Variants in FBN3 observed in about 807,000 individuals in gnomAD.
The protein encoded by FBN3 is fibrillin 3, also known as fibrillin-3.
A neutral mutation model predicts 330.1 loss-of-function variants in FBN3; 234 were observed. That is an observed-to-expected ratio of 0.71 (90% CI 0.64 to 0.79). The LOEUF is 0.79. Ranked by LOEUF, FBN3 falls within the 30% of genes least tolerant of loss-of-function variation. The probability of loss-of-function intolerance (pLI) is 0.00; values close to 1 mark genes in which losing one functional copy is unlikely to be tolerated. For synonymous variants in FBN3, 1,458 were observed against 1,517.3 expected (o/e 0.96, Z 0.91); for missense variants, 3,606 against 3,886.9 (o/e 0.93, Z 1.92).
At chr19:8,139,643 T>C (rs2083367586) in intron 8 of FBN3, among the ~76,000 whole-genome samples, 1 of 151,788 alleles carries the variant, frequency 6.6e-6, no homozygotes, top group African/African-American at 2.4e-5. Flanking sequence ...GAGGGGTGGA[T>C]TGACGGCTAC....
intron 18 of FBN3, among the ~76,000 whole-genome samples, chr19:8,127,057 TTG>T (rs2083009537): frequency 7.1e-5 from 7 of 99,006 alleles, no homozygotes; most frequent in African/African-American, 1.5e-4. Context: ...TGTTTTTTTT[TTG>T]TTTTTTTTTT....
chr19:8,123,853 C>T lies in FBN3; in HGVS notation c.2887G>A (p.Ala963Thr), dbSNP rs372370060. The change falls in exon 23 of 64, where the codon GCC becomes ACC. Residue 963 changes from alanine to threonine, a missense_variant. Physicochemically the swap from Ala to Thr is moderately conservative, Grantham distance 58. Coordinates refer to ENST00000600128, the MANE Select transcript of FBN3 (RefSeq NM_032447.5). Reference protein sequence around the residue: ...ACPDPESLEFASLCPRGLGFA... With the variant: ...ACPDPESLEFTSLCPRGLGFA... Reference sequence around the variant, plus strand: ...CCCAGCCCCCGCGGGCACAGGCTGGCGAACTCCAGAGACTCGGGATCCGGG... The same window carrying T: ...CCCAGCCCCCGCGGGCACAGGCTGGTGAACTCCAGAGACTCGGGATCCGGG... 29 of 1,609,544 alleles carry T rather than the reference C, an allele frequency of 1.8e-5. No homozygotes were observed. In the East Asian group the frequency reaches 2.2e-4, roughly 12 times the overall value.
rs753005739 is a variant in FBN3, at chr19:8,115,559, C to T, written c.3794G>A (p.Cys1265Tyr). ...CTTCCTGACCATGTAGCCCAGCTGA[C>T]AGTGGCAGACAAAGGAACCCTTCGT... ...ENTKGSFVCH[C>Y]QLGYMVRKGA... Residue 1265 changes from cysteine to tyrosine, a missense_variant, in exon 30 of 64, where the codon TGT becomes TAT. Transcript: ENST00000600128. 2.5e-6 allele frequency: 4 copies of T among 1,614,120 alleles called. No homozygotes were observed. The highest frequency in any genetic ancestry group is 2.2e-5 in the East Asian group (1 of 44,864).
intron 41 of FBN3, among the ~76,000 whole-genome samples, chr19:8,097,632 T>C (rs2082240176): frequency 6.6e-6 from 1 of 152,172 alleles, no homozygotes; most frequent in African/African-American, 2.4e-5. Context: ...CTGTGTGTGT[T>C]TTTCTCAATT....
At chr19:8,074,857 A>G in intron 61 of FBN3, 1 of 542,362 alleles carries the variant, frequency 1.8e-6, no homozygotes, top group Admixed American at 3.7e-5. Flanking sequence ...CCAGGCCACC[A>G]TGCCCTAAGG....
chr19:8,113,017 T>G (rs1380933593), intron 30 of FBN3, among the ~76,000 whole-genome samples: 6 of 152,230 alleles, frequency 3.9e-5, no homozygotes, highest in African/African-American at 1.2e-4. Flanking sequence ...TCCTAAACCC[T>G]GAAACTGGTG....
intron 8 of FBN3, among the ~76,000 whole-genome samples, chr19:8,141,384 AAGAG>A (rs1555755904): frequency 3.4e-5 from 5 of 146,512 alleles, no homozygotes; most frequent in African/African-American, 2.6e-5. Context: ...AAAAAAAAAA[AAGAG>A]AGAGACAGAC....
intron 48 of FBN3, among the ~76,000 whole-genome samples, chr19:8,090,644 C>T (rs548951340): frequency 8.6e-5 from 13 of 151,960 alleles, no homozygotes; most frequent in Admixed American, 2.0e-4. Context: ...CCACCACACC[C>T]GGCTAATTTT....
In FBN3 at chr19:8,096,391, T is replaced by C; in HGVS notation, c.5539+53A>G. ...AACACCACTTCCATCCCAGGGGAGG[T>C]TTAGACCCCAGGCAGCCTGGCTTGA... On this transcript the variant is annotated intron_variant, in intron 44 of 63. Transcript: ENST00000600128. The surrounding 1 kb of genome is among the most constrained non-coding windows in gnomAD (Gnocchi z 4.6). 6.3e-7 allele frequency: 1 copy of C among 1,583,432 alleles called. No individual in the cohort carries two copies. Among genetic ancestry groups the C allele is most frequent in the Non-Finnish European group, 8.6e-7 (1 of 1,162,914 alleles).
At position 8,096,083 on chromosome 19, in the gene FBN3, G is replaced by C; in HGVS notation, c.5540-3C>G. ...CTGCCGGTCACACTCGTCAATGTCTGCAGAAGCAAAGCCGAGAGCCCAACC... is the reference window on the plus strand; with the variant it reads ...CTGCCGGTCACACTCGTCAATGTCTCCAGAAGCAAAGCCGAGAGCCCAACC... On this transcript the variant is annotated splice_polypyrimidine_tract_variant and splice_region_variant and intron_variant, in intron 44 of 63. Coordinates refer to ENST00000600128, the MANE Select transcript of FBN3 (RefSeq NM_032447.5). This position sits in a 1 kb window ranked among gnomAD's most constrained non-coding sequence, Gnocchi z 4.6. The C allele has an allele frequency of 2.5e-6, 4 of 1,611,114 alleles. No homozygotes were observed. Among genetic ancestry groups the C allele is most frequent in the Non-Finnish European group, 3.4e-6 (4 of 1,177,326 alleles).
chr19:8,096,039 A>G lies in FBN3; in HGVS notation c.5581T>C (p.Cys1861Arg), dbSNP rs1221793339. The change falls in exon 45 of 64, where the codon TGC (cysteine) becomes CGC (arginine). Residue 1861 changes from cysteine (C) to arginine (R), a missense_variant. Coordinates refer to ENST00000600128, the MANE Select transcript of FBN3 (RefSeq NM_032447.5). The surrounding 1 kb of genome is among the most constrained non-coding windows in gnomAD (Gnocchi z 4.6). ...CDRQPCGNGT[C>R]KNIIGSYNCL... ...TTGTAGGAGCCAATGATGTTCTTGC[A>G]GGTCCCATTTCCACAAGGCTGCCGG... The G allele has an allele frequency of 2.5e-6, 4 of 1,614,080 alleles. No individual in the cohort carries two copies. In the Admixed American group the frequency reaches 5.0e-5, roughly 20 times the overall value.
At chr19:8,081,969 C>CTCTT (rs1202561121) in intron 57 of FBN3, among the ~76,000 whole-genome samples, 1 of 138,660 alleles carries the variant, frequency 7.2e-6, no homozygotes, top group Non-Finnish European at 1.6e-5. Flanking sequence ...CCTTGTTTCT[C>CTCTT]TCTTTCTTTC....
At chr19:8,148,326 G>A (rs911417985) in intron 1 of FBN3, among the ~76,000 whole-genome samples, 4 of 152,076 alleles carry the variant, frequency 2.6e-5, no homozygotes, top group African/African-American at 9.7e-5. Context: ...TCCCTGGGCA[G>A]GGGGCCCAGG....
chr19:8,117,666 C>T, intron 26 of FBN3, 77 bp from the exon 27 acceptor site: 1 of 1,457,440 alleles, frequency 6.9e-7, no homozygotes, highest in Non-Finnish European at 9.2e-7. Context: ...ACTGGGGGCA[C>T]ACATGCATGC....
In FBN3 at chr19:8,100,084, C is replaced by G. The variant is rs1475176062; in HGVS notation, c.5161+817G>C. Among the ~76,000 whole-genome samples the G allele has an allele frequency of 2.6e-5, 4 of 151,686 alleles. No individual in the cohort carries two copies. In the East Asian group the frequency reaches 5.8e-4, roughly 22 times the overall value. ...GGATGCACCTTGAGGACATCATGTT[C>G]AGTGAAATAAGCCTGACACAAAACA... On this transcript the variant is annotated intron_variant, in intron 41 of 63. Coordinates refer to ENST00000600128, the MANE Select transcript of FBN3 (RefSeq NM_032447.5).
chr19:8,135,936 G>GGGGGGGGGGGGGGGGGCCGCCCCCCC, intron 13 of FBN3, 25 bp downstream of exon 13: 1 of 668,776 alleles, frequency 1.5e-6, no homozygotes, highest in Non-Finnish European at 2.4e-6. Context: ...GGAAGCCCCT[G>GGGGGGGGGGGGGGGGGCCGCCCCCCC]CCCACCCGCC....
At position 8,094,478 on chromosome 19, in the gene FBN3, G is replaced by A; in HGVS notation, c.5873C>T (p.Pro1958Leu). ...GTGGTCACTCTGCACCTGGAAGCCA[G>A]GGGGACAGATGCAGCGGAAGGAGCC... ...LEGSFRCICP[P>L]GFQVQSDHCI... The change falls in exon 47 of 64, where the codon CCT becomes CTT. Residue 1958 changes from proline (P) to leucine (L), a missense_variant. Pro to Leu is a moderately conservative substitution (Grantham distance 98, BLOSUM62 -3). Coordinates refer to ENST00000600128, the MANE Select transcript of FBN3 (RefSeq NM_032447.5). 6.2e-7 allele frequency: 1 copy of A among 1,613,082 alleles called. No individual in the cohort carries two copies. Among genetic ancestry groups the A allele is most frequent in the Non-Finnish European group, 8.5e-7 (1 of 1,179,424 alleles).
intron 24 of FBN3, among the ~76,000 whole-genome samples, chr19:8,122,314 C>G (rs1182798272): frequency 6.6e-6 from 1 of 152,116 alleles, no homozygotes; most frequent in Non-Finnish European, 1.5e-5. Flanking sequence ...CCATGCTGGC[C>G]CTGGAGGCCT....
At chr19:8,124,781 C>G (rs915377395) in intron 22 of FBN3, among the ~76,000 whole-genome samples, 1 of 152,196 alleles carries the variant, frequency 6.6e-6, no homozygotes. Flanking sequence ...AGCAATCCAC[C>G]TGCCTCGGCC....
Sources: gnomAD v4.1 joint callset for allele counts (sites outside exome capture counted in the v4.1 genomes callset) on GRCh38, gnomAD v4.1.1 for gene constraint, Gnocchi (gnomAD v3.1) non-coding constraint, MANE v1.5 for transcripts, NCBI Gene and HGNC (gene_info 2026-07-23, HGNC 2026-07-21) for gene names.